PDGFD: variants seen among roughly 807,000 people sequenced by gnomAD.
The protein encoded by PDGFD is platelet-derived growth factor D.
A neutral mutation model predicts 44.7 loss-of-function variants in PDGFD; 30 were observed. The observed-to-expected ratio is 0.67, with a 90% CI of 0.50 to 0.91. The LOEUF is 0.91. PDGFD is among the 40% of genes least tolerant of loss of function. The probability of loss-of-function intolerance (pLI) is 0.00; values close to 1 mark genes in which losing one functional copy is unlikely to be tolerated. For synonymous variants in PDGFD, 173 were observed against 168.4 expected, an observed-to-expected ratio of 1.03 and a Z score of -0.21; for missense variants, 445 against 457.8, an observed-to-expected ratio of 0.97 and a Z score of 0.25.
chr11:103,926,924 T>C lies in PDGFD; in HGVS notation c.975A>G (p.Lys325=), dbSNP rs1858323867. The change falls in exon 6 of 7, where the codon AAA becomes AAG. Residue 325 remains lysine, a synonymous_variant. Transcript: ENST00000393158. ...SCTCNSGKTV[K]KYHEVLQFEP... ...AAGAATGACATACCTCATGATACTTTTTCACGGTTTTCCCTGAATTGCATG... is the reference window on the plus strand; with the variant it reads ...AAGAATGACATACCTCATGATACTTCTTCACGGTTTTCCCTGAATTGCATG... 1 of 1,613,864 alleles carries C rather than the reference T, an allele frequency of 6.2e-7. No homozygotes were observed.
chr11:104,049,206 G>C (rs547450688), intron 1 of PDGFD, among the ~76,000 whole-genome samples: 3 of 152,264 alleles, frequency 2.0e-5, no homozygotes, highest in African/African-American at 7.2e-5. Flanking sequence ...AATGGAACGG[G>C]GATATAGTAG....
chr11:104,135,281 G>T (rs1276036680), intron 1 of PDGFD, among the ~76,000 whole-genome samples: 1 of 152,158 alleles, frequency 6.6e-6, no homozygotes, highest in Non-Finnish European at 1.5e-5. Flanking sequence ...AAAAGGCCTG[G>T]GGCAGCCAAA....
chr11:103,962,767 A>G (rs1435856023), intron 3 of PDGFD, among the ~76,000 whole-genome samples: 1 of 152,208 alleles, frequency 6.6e-6, no homozygotes, highest in Non-Finnish European at 1.5e-5. Flanking sequence ...TGGGAAAAAT[A>G]TCTTCTTTCC....
At chr11:103,973,305 A>ATTTTTT (rs35172142) in intron 3 of PDGFD, among the ~76,000 whole-genome samples, 2 of 144,266 alleles carry the variant, frequency 1.4e-5, no homozygotes, top group Non-Finnish European at 1.5e-5. Context: ...TGCCCGGCCA[A>ATTTTTT]TTTTTTTTTT....
chr11:104,037,848 C>T (rs149339942), intron 1 of PDGFD: 2 of 1,613,996 alleles, frequency 1.2e-6, no homozygotes, highest in East Asian at 2.2e-5. Context: ...AATGTTCCAT[C>T]GATTTGAAGA....
intron 1 of PDGFD, among the ~76,000 whole-genome samples, chr11:104,045,940 A>G (rs559597178): frequency 1.4e-5 from 2 of 146,870 alleles, no homozygotes; most frequent in South Asian, 2.3e-4. Context: ...AGGGCTAGTG[A>G]TTCTATGATA....
chr11:104,123,314 C>G (rs1160952697), intron 1 of PDGFD, among the ~76,000 whole-genome samples: 1 of 151,576 alleles, frequency 6.6e-6, no homozygotes, highest in Non-Finnish European at 1.5e-5. Flanking sequence ...TCTTTTTTTT[C>G]TATAACAGAG....
intron 3 of PDGFD, among the ~76,000 whole-genome samples, chr11:103,988,821 T>A (rs532946244): frequency 6.6e-6 from 1 of 152,308 alleles, no homozygotes; most frequent in Non-Finnish European, 1.5e-5. Flanking sequence ...AGGATTAGCA[T>A]AAGCATTAGA....
rs146312127 is a variant in PDGFD, at chr11:104,061,449, C to T, written c.125-61194G>A. Among the ~76,000 whole-genome samples, 1,518 of 151,946 alleles carry T rather than the reference C, an allele frequency of 1.0e-2. 22 individuals carry two copies. The highest frequency in any genetic ancestry group is 0.034 in the African/African-American group (1,413 of 41,448). ...AACACCCATCTAAATCGGGAGGGAG[C>T]GGGCAAAAAAGACTTAACAGATGCC... is the stretch of plus-strand genomic sequence containing the variant. On this transcript the variant is annotated intron_variant, in intron 1 of 6. Coordinates refer to ENST00000393158, the MANE Select transcript of PDGFD (RefSeq NM_025208.5).
intron 6 of PDGFD, among the ~76,000 whole-genome samples, chr11:103,915,129 T>C (rs1291473304): frequency 1.3e-5 from 2 of 152,178 alleles, no homozygotes; most frequent in Non-Finnish European, 2.9e-5. Context: ...ATAAAGGGTA[T>C]TCAAATAGAA....
Position 104,061,026 on chromosome 11 carries a change from T to C in PDGFD, c.125-60771A>G, listed in dbSNP as rs76140490. Among the ~76,000 whole-genome samples the C allele has an allele frequency of 5.2e-3, 794 of 152,254 alleles. 27 individuals carry two copies. The East Asian group carries it at 0.099, about 19-fold the overall frequency. On this transcript the variant is annotated intron_variant, in intron 1 of 6. Coordinates refer to ENST00000393158, the MANE Select transcript of PDGFD (RefSeq NM_025208.5). ...CCCATTTCCTCCTTCCCACAGGCCC[T>C]GGTAACCTCTAATCTACTTTCTCCG... is the stretch of plus-strand genomic sequence containing the variant.
At chr11:104,025,295 T>C (rs1274278775) in intron 1 of PDGFD, among the ~76,000 whole-genome samples, 1 of 152,224 alleles carries the variant, frequency 6.6e-6, no homozygotes, top group Non-Finnish European at 1.5e-5. Context: ...AATGGAACCT[T>C]GACCCAGGCA....
Position 104,164,021 on chromosome 11 carries a change from G to A in PDGFD, c.-94C>T. 2.2e-6 allele frequency: 3 copies of A among 1,364,546 alleles called. No individual in the cohort carries two copies. Among genetic ancestry groups the A allele is most frequent in the Non-Finnish European group, 2.9e-6 (3 of 1,026,070 alleles). The allele number at this position is 1,364,546 out of a possible 1,614,324, so 84.5% of individuals were successfully genotyped here. ...GCGCCGCCCTGCGCTCTCGCCGCCTGCGCTCGCCCTGCGCTGGCCCGGGTC... is the reference window on the plus strand; with the variant it reads ...GCGCCGCCCTGCGCTCTCGCCGCCTACGCTCGCCCTGCGCTGGCCCGGGTC... On this transcript the variant is annotated 5_prime_UTR_variant, in exon 1 of 7. Transcript: ENST00000393158.
intron 1 of PDGFD, among the ~76,000 whole-genome samples, chr11:104,123,265 A>G (rs1861803022): frequency 6.6e-6 from 1 of 152,128 alleles, no homozygotes; most frequent in South Asian, 2.1e-4. Flanking sequence ...GGTCTTTATT[A>G]TTAGCCAGGA....
intron 1 of PDGFD, among the ~76,000 whole-genome samples, chr11:104,113,473 C>A (rs545294327): frequency 6.6e-6 from 1 of 152,054 alleles, no homozygotes; most frequent in Non-Finnish European, 1.5e-5. Context: ...GAATAATATT[C>A]CATTGTTTGG....
In PDGFD at chr11:104,022,795, G is replaced by A. The variant is rs186098376; in HGVS notation, c.125-22540C>T. Reference sequence around the variant, plus strand: ...TTCATACAAAATTTAGTGTGTGTGTGTACATAGATATATATGTATATACAC... The same window carrying A: ...TTCATACAAAATTTAGTGTGTGTGTATACATAGATATATATGTATATACAC... On this transcript the variant is annotated intron_variant, in intron 1 of 6. Coordinates refer to ENST00000393158, the MANE Select transcript of PDGFD (RefSeq NM_025208.5). Among the ~76,000 whole-genome samples the A allele has an allele frequency of 2.4e-3, 369 of 151,910 alleles. 6 individuals carry two copies. Among genetic ancestry groups the A allele is most frequent in the African/African-American group, 8.2e-3 (339 of 41,458 alleles).
intron 1 of PDGFD, among the ~76,000 whole-genome samples, chr11:104,097,305 C>T (rs760158314): frequency 7.9e-5 from 12 of 152,112 alleles, no homozygotes; most frequent in Non-Finnish European, 1.8e-4. Flanking sequence ...ACAGAAATTA[C>T]AAAGAAAATT....
chr11:104,062,413 G>T (rs1362319333), intron 1 of PDGFD, among the ~76,000 whole-genome samples: 1 of 152,150 alleles, frequency 6.6e-6, no homozygotes, highest in Non-Finnish European at 1.5e-5. Context: ...CTAATAAAAA[G>T]ACTTTTCTGA....
At chr11:104,022,805 A>C (rs1859982435) in intron 1 of PDGFD, among the ~76,000 whole-genome samples, 1 of 152,068 alleles carries the variant, frequency 6.6e-6, no homozygotes, top group Non-Finnish European at 1.5e-5. Context: ...GTACATAGAT[A>C]TATATGTATA....
Sources: allele counts gnomAD v4.1 joint callset (sites outside exome capture counted in the v4.1 genomes callset), GRCh38; gene constraint gnomAD v4.1.1; transcripts MANE v1.5; gene names NCBI Gene and HGNC (gene_info 2026-07-23, HGNC 2026-07-21).